The following ARHGEF3 variants were observed in gnomAD, a reference collection of about 807,000 sequenced individuals.
ARHGEF3 encodes the protein Rho guanine nucleotide exchange factor 3, also known as 59.8 kDA protein.
Under a neutral mutation model 63.2 loss-of-function variants are expected in ARHGEF3, and 28 were observed. That is an observed-to-expected ratio of 0.44 (90% confidence interval 0.33 to 0.61). ARHGEF3 has a LOEUF of 0.61. Among genes scored for constraint, ARHGEF3 ranks in the 20% least tolerant of loss-of-function variants. The pLI is 0.03. For synonymous variants in ARHGEF3, 266 were observed against 254.2 expected, an observed-to-expected ratio of 1.05 and a Z score of -0.44; for missense variants, 533 against 659.3, an observed-to-expected ratio of 0.81 and a Z score of 2.10.
intron 4 of ARHGEF3, among the ~76,000 whole-genome samples, chr3:56,837,214 C>T (rs1426087951): frequency 6.6e-6 from 1 of 152,064 alleles, no homozygotes; most frequent in Non-Finnish European, 1.5e-5. Flanking sequence ...CTCCTATAAC[C>T]CAGAAAAGAG....
At chr3:56,828,962 T>C (rs2038833608) in intron 4 of ARHGEF3, among the ~76,000 whole-genome samples, 1 of 152,244 alleles carries the variant, frequency 6.6e-6, no homozygotes, top group Admixed American at 6.5e-5. Context: ...AGTCTCACTC[T>C]GTTGCTTAGG....
chr3:56,925,360 TA>T (rs1257474762), intron 3 of ARHGEF3, among the ~76,000 whole-genome samples: 1 of 152,232 alleles, frequency 6.6e-6, no homozygotes, highest in African/African-American at 2.4e-5. Flanking sequence ...GACACTGTAA[TA>T]AATTCATTTT....
At chr3:57,008,828 A>C (rs1048483128) in intron 2 of ARHGEF3, among the ~76,000 whole-genome samples, 9 of 152,194 alleles carry the variant, frequency 5.9e-5, no homozygotes, top group Admixed American at 4.6e-4. Context: ...GGGCACAAGC[A>C]CAGCATCTCT....
intron 1 of ARHGEF3, among the ~76,000 whole-genome samples, chr3:56,798,006 C>CA (rs751479712): frequency 5.9e-5 from 9 of 152,206 alleles, no homozygotes; most frequent in Non-Finnish European, 1.0e-4. Flanking sequence ...CGCTTCCCCT[C>CA]AGTGTCCTTA....
chr3:57,026,518 C>G (rs2107185952), intron 2 of ARHGEF3, among the ~76,000 whole-genome samples: 1 of 152,346 alleles, frequency 6.6e-6, no homozygotes, highest in Non-Finnish European at 1.5e-5. Context: ...GTCACACTCT[C>G]ACCTGGCAGG....
chr3:56,994,541 G>A lies in ARHGEF3; in HGVS notation c.63-35652C>T, dbSNP rs573268398. ...GTTTCAACAGCCCTCTTGGAAAAGG[G>A]ATTTCCCTTTTCCCTCTTGGAAAAG... is the stretch of plus-strand genomic sequence containing the variant. On this transcript the variant is annotated intron_variant, in intron 2 of 12. Transcript: ENST00000338458. Among the ~76,000 whole-genome samples the A allele has an allele frequency of 3.3e-5, 5 of 152,208 alleles. No individual in the cohort carries two copies. In the East Asian group the frequency reaches 9.7e-4, roughly 29 times the overall value.
At chr3:56,985,854 C>A (rs1212173754) in intron 2 of ARHGEF3, among the ~76,000 whole-genome samples, 2 of 152,024 alleles carry the variant, frequency 1.3e-5, no homozygotes, top group Non-Finnish European at 2.9e-5. Flanking sequence ...TGGGGGTGGG[C>A]AAGGGGAATT....
chr3:56,910,362 T>C (rs1463629656), intron 3 of ARHGEF3, among the ~76,000 whole-genome samples: 2 of 152,236 alleles, frequency 1.3e-5, no homozygotes, highest in Admixed American at 6.5e-5. Flanking sequence ...AGGCAGTGCC[T>C]GATTGATGGA....
At chr3:56,883,454 C>T (rs1364489737) in intron 3 of ARHGEF3, among the ~76,000 whole-genome samples, 2 of 152,046 alleles carry the variant, frequency 1.3e-5, no homozygotes, top group Non-Finnish European at 2.9e-5. Flanking sequence ...AGCACACCAC[C>T]ACACTGGGCT....
chr3:56,907,270 G>A (rs949515473), intron 3 of ARHGEF3, among the ~76,000 whole-genome samples: 1 of 152,058 alleles, frequency 6.6e-6, no homozygotes, highest in Non-Finnish European at 1.5e-5. Flanking sequence ...CATGAGCCAC[G>A]GCGCCTGGCC....
intron 4 of ARHGEF3, among the ~76,000 whole-genome samples, chr3:56,846,117 T>C (rs951411441): frequency 6.6e-6 from 1 of 152,250 alleles, no homozygotes; most frequent in Non-Finnish European, 1.5e-5. Flanking sequence ...CTGTTTGTTA[T>C]AGAGTAATGT....
chr3:57,063,028 G>A (rs891018917), intron 1 of ARHGEF3, among the ~76,000 whole-genome samples: 2 of 152,188 alleles, frequency 1.3e-5, no homozygotes, highest in African/African-American at 4.8e-5. Context: ...AAGCAATGAA[G>A]GCAAAGGGGA....
chr3:56,932,178 A>G (rs1185494394), intron 3 of ARHGEF3, among the ~76,000 whole-genome samples: 1 of 152,134 alleles, frequency 6.6e-6, no homozygotes, highest in Non-Finnish European at 1.5e-5. Flanking sequence ...CTTAAAACCT[A>G]AGACTCCACT....
At chr3:56,968,166 TA>T (rs1700699801) in intron 2 of ARHGEF3, among the ~76,000 whole-genome samples, 8 of 28,236 alleles carry the variant, frequency 2.8e-4, no homozygotes, top group African/African-American at 8.3e-4. Flanking sequence ...ATATATATTA[TA>T]TAATATATAT....
At chr3:56,757,644 T>C (rs1453605045) in intron 2 of ARHGEF3, among the ~76,000 whole-genome samples, 1 of 152,194 alleles carries the variant, frequency 6.6e-6, no homozygotes, top group East Asian at 1.9e-4. Flanking sequence ...AGCAAAGATA[T>C]AAAGGGAACA....
intron 2 of ARHGEF3, chr3:57,034,964 T>C (rs1703890358): frequency 1.3e-6 from 1 of 756,164 alleles, no homozygotes; most frequent in Non-Finnish European, 2.1e-6. Context: ...CCTAGCACTA[T>C]CTCCAAATTC....
chr3:56,760,521 A>C (rs544126819), intron 2 of ARHGEF3, among the ~76,000 whole-genome samples: 35 of 152,156 alleles, frequency 2.3e-4, no homozygotes, highest in Non-Finnish European at 3.8e-4. Flanking sequence ...ACTATGGGGG[A>C]TATCACAGAG....
intron 1 of ARHGEF3, among the ~76,000 whole-genome samples, chr3:56,790,558 C>G (rs1312078065): frequency 6.6e-6 from 1 of 152,204 alleles, no homozygotes; most frequent in African/African-American, 2.4e-5. Context: ...GCCACTTCCA[C>G]CCCTCCCCAA....
chr3:56,837,956 T>C (rs1435785059), intron 4 of ARHGEF3, among the ~76,000 whole-genome samples: 1 of 152,190 alleles, frequency 6.6e-6, no homozygotes, highest in Non-Finnish European at 1.5e-5. Context: ...ACCATCAAAG[T>C]GATAATTTTT....
Sources: gnomAD v4.1 joint callset for allele counts (sites outside exome capture counted in the v4.1 genomes callset) on GRCh38, gnomAD v4.1.1 for gene constraint, MANE v1.5 for transcripts, NCBI Gene and HGNC (gene_info 2026-07-23, HGNC 2026-07-21) for gene names.